The following WDR62 variants were observed in gnomAD, a reference collection of about 807,000 sequenced individuals.
WDR62 encodes WD repeat-containing protein 62.
WDR62 carries 112 observed loss-of-function variants against 160.6 expected under a neutral mutation model. The ratio of observed to expected loss-of-function variants is 0.70; its 90% confidence interval spans 0.60 to 0.82. The LOEUF (loss-of-function observed/expected upper bound fraction) is 0.82. Among genes scored for constraint, WDR62 ranks in the 40% least tolerant of loss-of-function variants. The pLI, the probability that WDR62 is intolerant of heterozygous loss-of-function variation, is 0.00. For missense variants in WDR62, 1,819 were observed against 1,983.8 expected (o/e 0.92, Z 1.58); for synonymous variants, 792 against 815.1 (o/e 0.97, Z 0.48).
rs760631105 is a variant in WDR62, at chr19:36,089,273, ACGTGGC to A, written c.1933_1938del (p.Val645_Ala646del). On this transcript the variant is annotated inframe_deletion, in exon 15 of 32. Transcript: ENST00000401500. ...ATGGACATTGACATCACCCAGAAGT[ACGTGGC>A]CGTGGCCTGCCAGGACCGCAATGTG... is the stretch of plus-strand genomic sequence containing the variant. 1 of 1,614,182 alleles carries A rather than the reference ACGTGGC, an allele frequency of 6.2e-7. No individual in the cohort carries two copies. The highest frequency in any genetic ancestry group is 2.2e-5 in the East Asian group (1 of 44,880).
At position 36,056,494 on chromosome 19, in the gene WDR62, G is replaced by T. The variant is rs1970379013; in HGVS notation, c.177+1346G>T. Among the ~76,000 whole-genome samples the T allele has an allele frequency of 2.0e-5, 3 of 152,166 alleles. No homozygotes were observed. The South Asian group carries it at 6.2e-4, about 31-fold the overall frequency. The stretch of plus-strand genomic sequence containing the variant: ...CTGGGCTTTTTGCTGCAATCTGCCT[G>T]TCTGGCTCCTTCCCATCCTTCAAGT... On this transcript the variant is annotated intron_variant, in intron 1 of 31. Coordinates refer to ENST00000401500, the MANE Select transcript of WDR62 (RefSeq NM_001083961.2).
At chr19:36,099,680 G>A (rs371897683) in intron 22 of WDR62, 63 bp downstream of exon 22, 20 of 1,533,942 alleles carry the variant, frequency 1.3e-5, no homozygotes, top group South Asian at 6.7e-5. Flanking sequence ...AGGGCCTGGC[G>A]CCTTAGGCTG....
Position 36,054,959 on chromosome 19 carries a change from C to G in WDR62, c.-13C>G. Reference sequence around the variant, plus strand: ...GTTAGGGGATGTAACGGTCGCCCGCCTCCGGCGTGACGATGGCGGCCGTAG... The same window carrying G: ...GTTAGGGGATGTAACGGTCGCCCGCGTCCGGCGTGACGATGGCGGCCGTAG... On this transcript the variant is annotated 5_prime_UTR_variant, in exon 1 of 32. Coordinates refer to ENST00000401500, the MANE Select transcript of WDR62 (RefSeq NM_001083961.2). The G allele has an allele frequency of 6.3e-7, 1 of 1,583,706 alleles. No homozygotes were observed. Among genetic ancestry groups the G allele is most frequent in the Non-Finnish European group, 8.6e-7 (1 of 1,166,270 alleles).
intron 9 of WDR62, among the ~76,000 whole-genome samples, chr19:36,078,153 T>G (rs922707289): frequency 7.5e-6 from 1 of 133,444 alleles, no homozygotes. Flanking sequence ...AGTTTTTTTG[T>G]TTTTTTTTTT....
intron 22 of WDR62, 34 bp downstream of exon 22, chr19:36,099,651 C>T (rs993051927): frequency 1.2e-6 from 2 of 1,609,534 alleles, no homozygotes; most frequent in Non-Finnish European, 1.7e-6. Context: ...GCCCATAGCC[C>T]CGGCACCGTG....
At position 36,102,161 on chromosome 19, in the gene WDR62, T is replaced by C. The variant is rs898119804; in HGVS notation, c.3220+10T>C. The C allele has an allele frequency of 2.5e-6, 4 of 1,613,580 alleles. No homozygotes were observed. The African/African-American group carries it at 4.0e-5, about 16-fold the overall frequency. ...GAGTCCCCCTGCAGAGGTAGGGCCC[T>C]GCCTCACCCACACCTGCCGAGGCCG... On this transcript the variant is annotated intron_variant, in intron 26 of 31. Transcript: ENST00000401500.
Position 36,094,130 on chromosome 19 carries a change from G to T in WDR62, c.2433G>T (p.Met811Ile), listed in dbSNP as rs1288346550. The stretch of plus-strand genomic sequence containing the variant: ...AGGAAGAGTGTGAGCCAGAAGAGAT[G>T]CTGAAGACACCATCCAAAGATAGCT... ...DLEEECEPEEMLKTPSKDSLD... is the reference protein window; with the variant it reads ...DLEEECEPEEILKTPSKDSLD... The change falls in exon 20 of 32, where the codon ATG becomes ATT. Residue 811 changes from methionine (M) to isoleucine (I), a missense_variant. Transcript: ENST00000401500. The T allele has an allele frequency of 1.9e-6, 3 of 1,614,044 alleles. No homozygotes were observed. In the Admixed American group the frequency reaches 5.0e-5, roughly 27 times the overall value.
At chr19:36,081,025 T>A (rs4806262) in intron 9 of WDR62, among the ~76,000 whole-genome samples, 102,771 of 152,016 alleles carry the variant, frequency 0.68, 35,288 homozygotes, top group East Asian at 0.79. Context: ...TGCTGGTCTC[T>A]AGCAGTCCTC....
intron 3 of WDR62, chr19:36,060,317 CG>C: frequency 2.2e-6 from 1 of 464,184 alleles, no homozygotes; most frequent in East Asian, 3.8e-5. Flanking sequence ...AGGATGTCTT[CG>C]GGCAGGTTTG....
chr19:36,094,229 G>T lies in WDR62; in HGVS notation c.2467+65G>T. 2.5e-6 allele frequency: 4 copies of T among 1,604,152 alleles called. No homozygotes were observed. In the South Asian group the frequency reaches 3.3e-5, roughly 13 times the overall value. On this transcript the variant is annotated intron_variant, in intron 20 of 31. Transcript: ENST00000401500. ...GGAATCATTGCTGGGTTTTGCCCAT[G>T]ACCTTGTTTACAGGGCCTGGCACAT...
chr19:36,076,606 T>A (rs1191290370), intron 9 of WDR62, among the ~76,000 whole-genome samples: 1 of 151,800 alleles, frequency 6.6e-6, no homozygotes, highest in Non-Finnish European at 1.5e-5. Flanking sequence ...GGTTTTTTTT[T>A]AGTACAAATT....
chr19:36,084,987 G>A (rs1003748700), intron 12 of WDR62, among the ~76,000 whole-genome samples: 2 of 152,146 alleles, frequency 1.3e-5, no homozygotes, highest in Non-Finnish European at 2.9e-5. Flanking sequence ...AAGCCAAAGG[G>A]GTGGATGTAT....
chr19:36,066,289 T>G lies in WDR62; in HGVS notation c.423T>G (p.Asp141Glu). ...ATAGGCCTGCTGTGCGCATCTGGGATGTGGAGGAGAAGAATCAGGTGGCGG... is the reference window on the plus strand; with the variant it reads ...ATAGGCCTGCTGTGCGCATCTGGGAGGTGGAGGAGAAGAATCAGGTGGCGG... Reference protein sequence around the residue: ...NGHRPAVRIWDVEEKNQVAEM... With the variant: ...NGHRPAVRIWEVEEKNQVAEM... Residue 141 changes from aspartate (D) to glutamate (E), a missense_variant, in exon 5 of 32, where the codon GAT becomes GAG. By Grantham distance (45) the Asp-to-Glu change is conservative (BLOSUM62 2). This residue lies in a region of WDR62 where 934 missense variants were observed against 1,157.2 expected (regional missense o/e 0.81). Coordinates refer to ENST00000401500, the MANE Select transcript of WDR62 (RefSeq NM_001083961.2). 6.2e-7 allele frequency: 1 copy of G among 1,614,146 alleles called. No homozygotes were observed. Among genetic ancestry groups the G allele is most frequent in the Non-Finnish European group, 8.5e-7 (1 of 1,180,014 alleles).
downstream of WDR62, among the ~76,000 whole-genome samples, chr19:36,106,462 C>T (rs1973715210): frequency 1.3e-5 from 2 of 152,104 alleles, no homozygotes; most frequent in Admixed American, 6.5e-5. Flanking sequence ...TGGCCACTCA[C>T]CTTCTATACA....
chr19:36,106,761 A>G (rs755691250), downstream of WDR62, among the ~76,000 whole-genome samples: 2 of 152,230 alleles, frequency 1.3e-5, no homozygotes, highest in African/African-American at 2.4e-5. Flanking sequence ...TTGTTGCTTC[A>G]TAACATTTAA....
At chr19:36,057,278 C>T (rs1172107529) in intron 1 of WDR62, among the ~76,000 whole-genome samples, 1 of 152,156 alleles carries the variant, frequency 6.6e-6, no homozygotes, top group Non-Finnish European at 1.5e-5. Context: ...TTAGCTAATA[C>T]TGATATTATG....
chr19:36,055,283 T>A, intron 1 of WDR62, 135 bp downstream of exon 1: 1 of 896,286 alleles, frequency 1.1e-6, no homozygotes, highest in Non-Finnish European at 1.7e-6. Flanking sequence ...CCTCGTCCCC[T>A]AACCCCCGCC....
intron 9 of WDR62, chr19:36,073,782 T>C: frequency 1.8e-6 from 1 of 547,418 alleles, no homozygotes; most frequent in Admixed American, 2.2e-5. Context: ...TGAAGAAAAA[T>C]GAGGCGGGGA....
At position 36,071,593 on chromosome 19, in the gene WDR62, T is replaced by G; in HGVS notation, c.920T>G (p.Leu307Arg). The change falls in exon 8 of 32, where the codon CTC (leucine) becomes CGC (arginine). Residue 307 changes from leucine to arginine, a missense_variant. Leu to Arg is a moderately radical substitution (Grantham distance 102). This residue lies in a region of WDR62 where 934 missense variants were observed against 1,157.2 expected (regional missense o/e 0.81). Coordinates refer to ENST00000401500, the MANE Select transcript of WDR62 (RefSeq NM_001083961.2). ...TCCTGCCTCTGTGTCAGCCAGGAGC[T>G]CATCTTCTGTGGCTGCACAGATGGG... ...LSSCLCVSQE[L>R]IFCGCTDGIV... 6.2e-7 allele frequency: 1 copy of G among 1,614,236 alleles called. No individual in the cohort carries two copies. Among genetic ancestry groups the G allele is most frequent in the Non-Finnish European group, 8.5e-7 (1 of 1,180,044 alleles).
Sources: allele counts gnomAD v4.1 joint callset (sites outside exome capture counted in the v4.1 genomes callset), GRCh38; gene constraint gnomAD v4.1.1; regional missense constraint gnomAD v4.1.1; transcripts MANE v1.5; gene names NCBI Gene and HGNC (gene_info 2026-07-23, HGNC 2026-07-21).